The following LRRFIP2 variants were observed in gnomAD, a reference collection of about 807,000 sequenced individuals.
LRRFIP2 encodes the protein leucine-rich repeat flightless-interacting protein 2.
Under a neutral mutation model 125.9 loss-of-function variants are expected in LRRFIP2, and 109 were observed. That is an observed-to-expected ratio of 0.87 (90% CI 0.74 to 1.01). LRRFIP2 has a LOEUF of 1.01. Ranked by LOEUF, LRRFIP2 falls within the 50% of genes least tolerant of loss-of-function variation. LRRFIP2 has a pLI of 0.00. For missense variants in LRRFIP2, 850 were observed against 862.3 expected (o/e 0.99, Z 0.18); for synonymous variants, 291 against 293.1 (o/e 0.99, Z 0.07).
At chr3:37,146,645 T>C (rs895288268) in intron 2 of LRRFIP2, among the ~76,000 whole-genome samples, 35 of 152,232 alleles carry the variant, frequency 2.3e-4, no homozygotes, top group African/African-American at 7.7e-4. Flanking sequence ...GGATATGATA[T>C]AGTTCCTTTT....
chr3:37,130,188 A>G (rs992334671), intron 2 of LRRFIP2, among the ~76,000 whole-genome samples: 3 of 152,130 alleles, frequency 2.0e-5, no homozygotes, highest in Admixed American at 6.5e-5. Context: ...GCATTCGCCT[A>G]TTCTGGACAT....
Position 37,109,778 on chromosome 3 carries a change from G to A in LRRFIP2, c.514-75C>T, listed in dbSNP as rs2094486181. 19 of 1,304,930 alleles carry A rather than the reference G, an allele frequency of 1.5e-5. No individual in the cohort carries two copies. In the South Asian group the frequency reaches 2.3e-4, roughly 16 times the overall value. The allele number at this position is 1,304,930 out of a possible 1,614,324, so 80.8% of individuals were successfully genotyped here. On this transcript the variant is annotated intron_variant, in intron 9 of 27. Coordinates refer to ENST00000336686, the MANE Select transcript of LRRFIP2 (RefSeq NM_006309.4). ...TTGGTCTCACCATCATGAATGCAGA[G>A]GACTTAAGTTTATGATTTTATACTC...
intron 1 of LRRFIP2, chr3:37,174,289 C>A (rs1291933399): frequency 6.6e-6 from 1 of 152,116 alleles, no homozygotes. Context: ...GTGATTTCAA[C>A]CTTATTTTAC....
intron 1 of LRRFIP2, among the ~76,000 whole-genome samples, chr3:37,166,748 G>A (rs113334978): frequency 0.062 from 9,472 of 151,850 alleles, 350 homozygotes; most frequent in African/African-American, 0.1. Flanking sequence ...GCAAGGCACA[G>A]TGGCTCATGC....
chr3:37,117,986 T>A (rs1336793131), intron 6 of LRRFIP2, among the ~76,000 whole-genome samples: 2 of 152,296 alleles, frequency 1.3e-5, no homozygotes, highest in African/African-American at 4.8e-5. Context: ...TTCATTAAAA[T>A]TATACCAAGG....
intron 1 of LRRFIP2, among the ~76,000 whole-genome samples, chr3:37,167,645 C>T (rs916816141): frequency 4.2e-5 from 6 of 141,922 alleles, no homozygotes; most frequent in Middle Eastern, 3.8e-3. Context: ...CAGAGCAACA[C>T]TCTGTCTCAA....
chr3:37,119,446 T>A (rs937513275), intron 6 of LRRFIP2, among the ~76,000 whole-genome samples: 1 of 152,150 alleles, frequency 6.6e-6, no homozygotes. Context: ...TACCTTTAAG[T>A]TAAACAAATA....
intron 1 of LRRFIP2, among the ~76,000 whole-genome samples, chr3:37,157,218 G>A (rs567078324): frequency 5.8e-4 from 89 of 152,158 alleles, no homozygotes; most frequent in African/African-American, 1.8e-3. Context: ...TGAGGCAGGC[G>A]GATCACTTGA....
At chr3:37,079,331 GA>G (rs1173384927) in intron 19 of LRRFIP2, among the ~76,000 whole-genome samples, 1 of 152,206 alleles carries the variant, frequency 6.6e-6, no homozygotes, top group Non-Finnish European at 1.5e-5. Flanking sequence ...GCTGGTGTGA[GA>G]ATATAAAATG....
At chr3:37,080,768 G>GA (rs1409342043) in intron 19 of LRRFIP2, among the ~76,000 whole-genome samples, 1 of 151,840 alleles carries the variant, frequency 6.6e-6, no homozygotes, top group Non-Finnish European at 1.5e-5. Flanking sequence ...ATTATAAGGA[G>GA]AAAAAACATG....
At position 37,058,841 on chromosome 3, in the gene LRRFIP2, C is replaced by A. The variant is rs746909187; in HGVS notation, c.1819G>T (p.Asp607Tyr). 1.9e-6 allele frequency: 3 copies of A among 1,613,982 alleles called. No individual in the cohort carries two copies. The Admixed American group carries it at 5.0e-5, about 27-fold the overall frequency. The part of the protein sequence containing the change: ...KCSRNDGTVG[D>Y]LAGLQNGSDL... ...GAGCCATTCTGCAGTCCTGCCAGGT[C>A]ACCCACTGTGCCATCATTCCTGGAG... The change falls in exon 25 of 28, where the codon GAC becomes TAC. Residue 607 changes from aspartate to tyrosine, a missense_variant. Physicochemically the swap from Asp to Tyr is radical, Grantham distance 160. Transcript: ENST00000336686.
At chr3:37,161,420 T>C (rs924546775) in intron 1 of LRRFIP2, among the ~76,000 whole-genome samples, 1 of 152,082 alleles carries the variant, frequency 6.6e-6, no homozygotes, top group East Asian at 1.9e-4. Context: ...GGTTGAATCA[T>C]GAAAACATGA....
intron 19 of LRRFIP2, among the ~76,000 whole-genome samples, chr3:37,081,166 T>C (rs923647985): frequency 1.3e-5 from 2 of 152,162 alleles, no homozygotes; most frequent in African/African-American, 4.8e-5. Context: ...TACTTAAGCG[T>C]AGGAGATCAA....
intron 11 of LRRFIP2, 61 bp from the exon 12 acceptor site, chr3:37,108,745 T>A (rs543597703): frequency 2.1e-6 from 3 of 1,410,372 alleles, no homozygotes; most frequent in East Asian, 2.3e-5. Flanking sequence ...GAAAATGACT[T>A]AATGTTTTCA....
At position 37,055,142 on chromosome 3, in the gene LRRFIP2, C is replaced by T. The variant is rs2086448553; in HGVS notation, c.1894G>A (p.Glu632Lys). 4 of 1,592,982 alleles carry T rather than the reference C, an allele frequency of 2.5e-6. No homozygotes were observed. Among genetic ancestry groups the T allele is most frequent in the South Asian group, 1.1e-5 (1 of 88,138 alleles). The change falls in exon 26 of 28, where the codon GAA becomes AAA. Residue 632 changes from glutamate to lysine, a missense_variant. Glu to Lys is a moderately conservative substitution (Grantham distance 56). Coordinates refer to ENST00000336686, the MANE Select transcript of LRRFIP2 (RefSeq NM_006309.4). ...GCTTTTGAAAGCTTAAATTTGTATT[C>T]GCTAATTTGTCTATTGGCATCTCCT... The part of the protein sequence containing the change: ...MQRDANRQIS[E>K]YKFKLSKAEQ...
In LRRFIP2 at chr3:37,121,737, G is replaced by T. The variant is rs370604492; in HGVS notation, c.229-46C>A. 6 of 1,578,596 alleles carry T rather than the reference G, an allele frequency of 3.8e-6. No individual in the cohort carries two copies. In the Middle Eastern group the frequency reaches 5.1e-4, roughly 135 times the overall value. On this transcript the variant is annotated intron_variant, in intron 4 of 27. Coordinates refer to ENST00000336686, the MANE Select transcript of LRRFIP2 (RefSeq NM_006309.4). ...TGGAGAGTTAATCACTGAATAGACA[G>T]TTGTTTATCAGAACAACTGAGCAAA... is the stretch of plus-strand genomic sequence containing the variant.
intron 15 of LRRFIP2, among the ~76,000 whole-genome samples, chr3:37,098,142 T>C (rs1454988523): frequency 1.3e-5 from 2 of 152,186 alleles, no homozygotes; most frequent in Non-Finnish European, 2.9e-5. Flanking sequence ...ATCAGTAATA[T>C]AAACACTATT....
Position 37,060,848 on chromosome 3 carries a change from T to C in LRRFIP2, c.1750-1938A>G, listed in dbSNP as rs1443849595. Among the ~76,000 whole-genome samples, 2 of 152,182 alleles carry C rather than the reference T, an allele frequency of 1.3e-5. No individual in the cohort carries two copies. The highest frequency in any genetic ancestry group is 4.8e-5 in the African/African-American group (2 of 41,440). ...CTATTCCTGTCTTAATTTTTGGCAA[T>C]TTCAATGTACATCTAAGTAGAGGAT... On this transcript the variant is annotated intron_variant, in intron 24 of 27. Coordinates refer to ENST00000336686, the MANE Select transcript of LRRFIP2 (RefSeq NM_006309.4). The surrounding 1 kb of genome is among the most constrained non-coding windows in gnomAD (Gnocchi z 4.1).
intron 23 of LRRFIP2, chr3:37,065,224 A>AC (rs11406546): frequency 0.033 from 6,061 of 181,258 alleles, 326 homozygotes; most frequent in African/African-American, 0.12. Flanking sequence ...TTTCTCAGAC[A>AC]GAGGTGTCAG....
Sources: gnomAD v4.1 joint callset for allele counts (sites outside exome capture counted in the v4.1 genomes callset) on GRCh38, gnomAD v4.1.1 for gene constraint, Gnocchi (gnomAD v3.1) non-coding constraint, MANE v1.5 for transcripts, NCBI Gene and HGNC (gene_info 2026-07-23, HGNC 2026-07-21) for gene names.